Variants in PCCA observed in about 807,000 individuals in gnomAD.
PCCA encodes the protein propionyl-CoA carboxylase alpha chain, mitochondrial.
A neutral mutation model predicts 101.3 loss-of-function variants in PCCA; 74 were observed. That is an observed-to-expected ratio of 0.73 (90% CI 0.61 to 0.89). The LOEUF (loss-of-function observed/expected upper bound fraction) is 0.89, where lower values mean the gene tolerates loss of function less well. PCCA is among the 40% of genes least tolerant of loss of function. The pLI is 0.00. For synonymous variants in PCCA, 294 were observed against 313.6 expected (o/e 0.94, Z 0.66); for missense variants, 891 against 907.0 (o/e 0.98, Z 0.23).
At chr13:100,348,750 TTC>T (rs1222101113) in intron 18 of PCCA, among the ~76,000 whole-genome samples, 3 of 52,878 alleles carry the variant, frequency 5.7e-5, no homozygotes, top group Non-Finnish European at 1.2e-4. Flanking sequence ...CTTTCTTTCT[TTC>T]TTTCTTTCTT....
intron 20 of PCCA, among the ~76,000 whole-genome samples, chr13:100,447,672 CAA>C (rs548052967): frequency 3.0e-5 from 4 of 134,412 alleles, no homozygotes; most frequent in Admixed American, 7.7e-5. Flanking sequence ...AACTCTGTCT[CAA>C]AAAAAAAAAA....
intron 6 of PCCA, among the ~76,000 whole-genome samples, chr13:100,166,905 AC>A (rs1266367458): frequency 3.3e-5 from 5 of 151,910 alleles, no homozygotes; most frequent in Admixed American, 6.5e-5. Flanking sequence ...CATTCTTACC[AC>A]CCTTTAAATT....
At chr13:100,310,850 T>G (rs1264632003) in intron 16 of PCCA, among the ~76,000 whole-genome samples, 10 of 152,176 alleles carry the variant, frequency 6.6e-5, no homozygotes, top group Non-Finnish European at 1.2e-4. Flanking sequence ...CCAGGCTTAG[T>G]CTGAAATTTT....
intron 18 of PCCA, among the ~76,000 whole-genome samples, chr13:100,341,200 A>G (rs2071256975): frequency 6.6e-6 from 1 of 152,186 alleles, no homozygotes; most frequent in South Asian, 2.1e-4. Context: ...AAGATATAGA[A>G]TATCAGTAAA....
chr13:100,285,115 A>T (rs1049394217), intron 12 of PCCA, among the ~76,000 whole-genome samples: 3 of 152,212 alleles, frequency 2.0e-5, no homozygotes, highest in Non-Finnish European at 4.4e-5. Context: ...AATACAGCCT[A>T]TACTGGCTTA....
At chr13:100,480,387 C>T (rs140680887) in intron 21 of PCCA, 1 of 152,274 alleles carries the variant, frequency 6.6e-6, no homozygotes, top group African/African-American at 2.4e-5. Flanking sequence ...ACAGTGATTA[C>T]GTTCAGACAC....
chr13:100,422,071 T>TTCTTTCC (rs1224465696), intron 19 of PCCA, among the ~76,000 whole-genome samples: 9 of 2,944 alleles, frequency 3.1e-3, no homozygotes, highest in Admixed American at 4.6e-3. Context: ...TCTCTTTTCT[T>TTCTTTCC]TTCTTTCTTT....
chr13:100,475,931 G>C (rs2083385644), intron 21 of PCCA, among the ~76,000 whole-genome samples: 1 of 152,154 alleles, frequency 6.6e-6, no homozygotes, highest in Admixed American at 6.5e-5. Flanking sequence ...AGCCCAAATT[G>C]TGTATGTTAA....
At chr13:100,286,027 T>A (rs1242092767) in intron 12 of PCCA, among the ~76,000 whole-genome samples, 2 of 152,016 alleles carry the variant, frequency 1.3e-5, no homozygotes, top group African/African-American at 4.8e-5. Context: ...TTCTACAAGC[T>A]CTAATTTTAA....
At chr13:100,129,233 T>C (rs1273050843) in intron 4 of PCCA, among the ~76,000 whole-genome samples, 1 of 152,260 alleles carries the variant, frequency 6.6e-6, no homozygotes, top group Non-Finnish European at 1.5e-5. Flanking sequence ...CACTTCGTTA[T>C]TGCTTCTTTA....
chr13:100,267,613 C>T lies in PCCA; in HGVS notation c.820-1076C>T, dbSNP rs2063031186. 3.9e-5 allele frequency among the ~76,000 whole-genome samples: 6 copies of T among 152,138 alleles called. No individual in the cohort carries two copies. The South Asian group carries it at 1.0e-3, about 26-fold the overall frequency. On this transcript the variant is annotated intron_variant, in intron 10 of 23. Transcript: ENST00000376285. ...TGGTCTTTGGGCTTCTAAAACAGAT[C>T]TTACCTCTGTAAACCTAATATATGT...
At chr13:100,293,283 A>C in intron 12 of PCCA, 1 of 471,358 alleles carries the variant, frequency 2.1e-6, no homozygotes, top group Non-Finnish European at 4.4e-6. Context: ...AATTCTGTGA[A>C]GGCTATACAC....
intron 12 of PCCA, among the ~76,000 whole-genome samples, chr13:100,283,657 G>C (rs1000126130): frequency 6.6e-6 from 1 of 152,248 alleles, no homozygotes; most frequent in Admixed American, 6.5e-5. Context: ...GGCAACCTCG[G>C]TGTTCTATAA....
chr13:100,481,438 G>A (rs536579793), intron 21 of PCCA, among the ~76,000 whole-genome samples: 1 of 152,244 alleles, frequency 6.6e-6, no homozygotes, highest in East Asian at 1.9e-4. Flanking sequence ...CATACCTGTA[G>A]TCCCAGCTAC....
rs1201591306 is a variant in PCCA, at chr13:100,341,355, G to C, written c.1643+1096G>C. Among the ~76,000 whole-genome samples, 3 of 152,106 alleles carry C rather than the reference G, an allele frequency of 2.0e-5. No homozygotes were observed. In the East Asian group the frequency reaches 5.8e-4, roughly 29 times the overall value. On this transcript the variant is annotated intron_variant, in intron 18 of 23. Coordinates refer to ENST00000376285, the MANE Select transcript of PCCA (RefSeq NM_000282.4). ...CAGGATTTTGTTGTCTTATTTGAAT[G>C]GTCTTTGCTCCCCCGATGTCTGTAC...
At chr13:100,296,923 T>C (rs1219440363) in intron 12 of PCCA, among the ~76,000 whole-genome samples, 1 of 152,250 alleles carries the variant, frequency 6.6e-6, no homozygotes, top group African/African-American at 2.4e-5. Context: ...GCATCCTGCA[T>C]TGCATTTAGT....
chr13:100,094,760 A>T (rs1172554825), intron 1 of PCCA, among the ~76,000 whole-genome samples: 1 of 152,044 alleles, frequency 6.6e-6, no homozygotes, highest in Non-Finnish European at 1.5e-5. Context: ...GCTAATTTTT[A>T]TATTTTTAGT....
At chr13:100,488,629 TTTTG>T (rs1019711058) in intron 21 of PCCA, among the ~76,000 whole-genome samples, 25 of 65,938 alleles carry the variant, frequency 3.8e-4, no homozygotes, top group African/African-American at 1.6e-3. Context: ...TGTTTTTTTG[TTTTG>T]TTTTTTTTTT....
At chr13:100,445,451 T>G (rs975329345) in intron 20 of PCCA, among the ~76,000 whole-genome samples, 1 of 152,198 alleles carries the variant, frequency 6.6e-6, no homozygotes, top group Non-Finnish European at 1.5e-5. Flanking sequence ...TTAAATATAC[T>G]CAGAAAATTT....
Sources: gnomAD v4.1 joint callset for allele counts (sites outside exome capture counted in the v4.1 genomes callset) on GRCh38, gnomAD v4.1.1 for gene constraint, MANE v1.5 for transcripts, NCBI Gene and HGNC (gene_info 2026-07-23, HGNC 2026-07-21) for gene names.